Variants in BDP1 observed in about 807,000 individuals in gnomAD.
BDP1 encodes the protein BDP1 general transcription factor IIIB subunit, also known as transcription factor TFIIIB component B'' homolog.
A neutral mutation model predicts 266.6 loss-of-function variants in BDP1; 169 were observed. The ratio of observed to expected loss-of-function variants is 0.63; its 90% CI spans 0.56 to 0.72. The LOEUF is 0.72. BDP1 is among the 30% of genes least tolerant of loss of function. BDP1 has a pLI of 0.00. For missense variants in BDP1, 3,015 were observed against 3,053.8 expected (o/e 0.99, Z 0.30); for synonymous variants, 1,090 against 1,022.4 (o/e 1.07, Z -1.26).
Position 71,542,701 on chromosome 5 carries a change from C to CATATATAT in BDP1, c.6412+445_6412+452dup, listed in dbSNP as rs34551677. 8.0e-4 allele frequency among the ~76,000 whole-genome samples: 119 copies of CATATATAT among 149,602 alleles called. 2 individuals carry two copies. The South Asian group carries it at 0.011, about 14-fold the overall frequency. On this transcript the variant is annotated intron_variant, in intron 30 of 38. Transcript: ENST00000358731. ...CACCCTGTCTCTTATGAATTGAAAA[C>CATATATAT]ATATATATATATATATTCATGTATA...
At chr5:71,528,130 T>A (rs1454144734) in intron 25 of BDP1, among the ~76,000 whole-genome samples, 1 of 152,176 alleles carries the variant, frequency 6.6e-6, no homozygotes, top group Non-Finnish European at 1.5e-5. Context: ...CTCGATCTTA[T>A]GTTAATTCTA....
chr5:71,570,529 G>GTCTAAAGTGT (rs1228475025), downstream of BDP1, among the ~76,000 whole-genome samples: 1 of 152,214 alleles, frequency 6.6e-6, no homozygotes, highest in Non-Finnish European at 1.5e-5. Flanking sequence ...TAGGTGTCAT[G>GTCTAAAGTGT]CAACACTTTA....
intron 25 of BDP1, among the ~76,000 whole-genome samples, chr5:71,527,055 C>T (rs937396874): frequency 5.9e-5 from 9 of 151,860 alleles, no homozygotes; most frequent in Admixed American, 2.0e-4. Context: ...TGTCATGCTA[C>T]CATCACTACC....
intron 36 of BDP1, 109 bp downstream of exon 36, chr5:71,557,034 G>A: frequency 1.8e-6 from 1 of 541,212 alleles, no homozygotes; most frequent in Non-Finnish European, 3.1e-6. Context: ...TTTTCTCCAA[G>A]AGTAATACTT....
intron 19 of BDP1, among the ~76,000 whole-genome samples, chr5:71,514,618 T>G (rs1174243487): frequency 6.6e-6 from 1 of 152,214 alleles, no homozygotes; most frequent in Non-Finnish European, 1.5e-5. Context: ...TTTTAAATGA[T>G]TAGGTACTAT....
At chr5:71,544,113 A>G (rs1767132940) in intron 30 of BDP1, among the ~76,000 whole-genome samples, 1 of 152,224 alleles carries the variant, frequency 6.6e-6, no homozygotes, top group Non-Finnish European at 1.5e-5. Flanking sequence ...AAATGAGGAT[A>G]CAATTATCAT....
At chr5:71,489,780 A>G in intron 10 of BDP1, 98 bp downstream of exon 10, 3 of 1,013,668 alleles carry the variant, frequency 3.0e-6, no homozygotes, top group East Asian at 2.5e-5. Flanking sequence ...ATAGCAATTA[A>G]TGATGCTTAT....
At position 71,482,774 on chromosome 5, in the gene BDP1, G is replaced by C. The variant is rs141754933; in HGVS notation, c.1015-1068G>C. ...GTGGAGGTAACATTTGTTAACTTTTGAGGAAATGTTTAAATAACAGTATGA... is the reference window on the plus strand; with the variant it reads ...GTGGAGGTAACATTTGTTAACTTTTCAGGAAATGTTTAAATAACAGTATGA... On this transcript the variant is annotated intron_variant, in intron 7 of 38. Coordinates refer to ENST00000358731, the MANE Select transcript of BDP1 (RefSeq NM_018429.3). Among the ~76,000 whole-genome samples, 119 of 152,182 alleles carry C rather than the reference G, an allele frequency of 7.8e-4. 1 individual carries two copies. The highest frequency in any genetic ancestry group is 1.4e-3 in the Non-Finnish European group (94 of 68,010).
At chr5:71,504,892 C>G (rs760307018) in intron 16 of BDP1, 141 bp downstream of exon 16, 2 of 764,826 alleles carry the variant, frequency 2.6e-6, no homozygotes, top group Non-Finnish European at 4.2e-6. Context: ...TATAACTTCA[C>G]CTTTCAAGAA....
chr5:71,519,871 T>A (rs1765410328), intron 22 of BDP1, among the ~76,000 whole-genome samples: 1 of 152,204 alleles, frequency 6.6e-6, no homozygotes, highest in Non-Finnish European at 1.5e-5. Flanking sequence ...CTATTTTTAG[T>A]TTTTTGAGGA....
chr5:71,525,163 CGG>C (rs1765725159), intron 25 of BDP1, among the ~76,000 whole-genome samples: 1 of 152,202 alleles, frequency 6.6e-6, no homozygotes, highest in Non-Finnish European at 1.5e-5. Flanking sequence ...ACCTCGCAGA[CGG>C]GGTGGTGGCC....
chr5:71,503,032 T>C (rs1387922835), intron 15 of BDP1, among the ~76,000 whole-genome samples: 7 of 135,142 alleles, frequency 5.2e-5, no homozygotes, highest in African/African-American at 1.9e-4. Flanking sequence ...GCCACCGCAC[T>C]CCAGCCTAGG....
chr5:71,456,023 AGCCCACAGATGT>A lies in BDP1; in HGVS notation c.155_166del (p.Asp52_Thr55del). 1 of 1,613,444 alleles carries A rather than the reference AGCCCACAGATGT, an allele frequency of 6.2e-7. No homozygotes were observed. Reference sequence around the variant, plus strand: ...ACGGACTCTGCTTCCAAGCCCGCGGAGCCCACAGATGTGCCCACAGTCGATTTCGGTGGAGCG... The same window carrying A: ...ACGGACTCTGCTTCCAAGCCCGCGGAGCCCACAGTCGATTTCGGTGGAGCG... On this transcript the variant is annotated inframe_deletion, in exon 1 of 39. Coordinates refer to ENST00000358731, the MANE Select transcript of BDP1 (RefSeq NM_018429.3).
rs1051608305 is a variant in BDP1, at chr5:71,456,004, T to C, written c.127T>C (p.Ser43Pro). 1 of 1,613,612 alleles carries C rather than the reference T, an allele frequency of 6.2e-7. No individual in the cohort carries two copies. Among genetic ancestry groups the C allele is most frequent in the African/African-American group, 1.3e-5 (1 of 75,068 alleles). Residue 43 changes from serine (S) to proline (P), a missense_variant, in exon 1 of 39, where the codon TCT becomes CCT. By Grantham distance (74) the Ser-to-Pro change is moderately conservative (BLOSUM62 -1). Coordinates refer to ENST00000358731, the MANE Select transcript of BDP1 (RefSeq NM_018429.3). ...CAGGCCGCCGGATCCTGCCACGGAC[T>C]CTGCTTCCAAGCCCGCGGAGCCCAC... The part of the protein sequence containing the change: ...SPRPPDPATD[S>P]ASKPAEPTDV...
chr5:71,487,154 A>G (rs898153631), intron 9 of BDP1, among the ~76,000 whole-genome samples: 11 of 152,222 alleles, frequency 7.2e-5, no homozygotes, highest in Admixed American at 3.9e-4. Context: ...ATGTTTAGCT[A>G]TAATCACATA....
intron 22 of BDP1, among the ~76,000 whole-genome samples, chr5:71,521,506 G>A (rs1237537616): frequency 6.6e-6 from 1 of 151,822 alleles, no homozygotes; most frequent in Non-Finnish European, 1.5e-5. Flanking sequence ...TGGTTAGGCT[G>A]GTCTCAAACT....
chr5:71,479,199 G>A (rs185885152), intron 7 of BDP1, among the ~76,000 whole-genome samples: 81 of 151,292 alleles, frequency 5.4e-4, no homozygotes, highest in African/African-American at 1.7e-3. Flanking sequence ...CCCGTCATGC[G>A]CCCGGCTAAT....
At chr5:71,456,958 A>G (rs1761227650) in intron 1 of BDP1, among the ~76,000 whole-genome samples, 1 of 152,148 alleles carries the variant, frequency 6.6e-6, no homozygotes, top group African/African-American at 2.4e-5. Flanking sequence ...TTATTTTTGG[A>G]ACATCTTCCT....
intron 2 of BDP1, among the ~76,000 whole-genome samples, chr5:71,460,145 C>T (rs530448557): frequency 2.4e-4 from 36 of 152,118 alleles, no homozygotes; most frequent in African/African-American, 7.9e-4. Context: ...TTTGGGAGGC[C>T]GAGGTGGGCG....
Sources: allele counts gnomAD v4.1 joint callset (sites outside exome capture counted in the v4.1 genomes callset), GRCh38; gene constraint gnomAD v4.1.1; transcripts MANE v1.5; gene names NCBI Gene and HGNC (gene_info 2026-07-23, HGNC 2026-07-21).